Variants in IPO5 observed in about 807,000 individuals in gnomAD.
IPO5 encodes the protein importin-5.
A neutral mutation model predicts 143.3 loss-of-function variants in IPO5; 18 were observed. That is an observed-to-expected ratio of 0.13 (90% CI 0.09 to 0.19). The LOEUF (loss-of-function observed/expected upper bound fraction) is 0.19, where lower values mean the gene tolerates loss of function less well. Ranked by LOEUF, IPO5 falls within the 10% of genes least tolerant of loss-of-function variation. IPO5 has a pLI of 1.00. For missense variants in IPO5, 1,013 were observed against 1,336.9 expected (o/e 0.76, Z 3.78); for synonymous variants, 477 against 465.7 (o/e 1.02, Z -0.31).
chr13:97,976,176 G>A (rs1886281073), intron 3 of IPO5, among the ~76,000 whole-genome samples: 2 of 151,614 alleles, frequency 1.3e-5, no homozygotes, highest in Non-Finnish European at 2.9e-5. Flanking sequence ...TCAGCAGCTG[G>A]CCCCTCCTCC....
chr13:98,015,686 C>T (rs1482231896), intron 23 of IPO5, 40 bp from the exon 24 acceptor site: 1 of 1,584,154 alleles, frequency 6.3e-7, no homozygotes, highest in Non-Finnish European at 8.6e-7. Context: ...CCTTGACCAT[C>T]TTGGCAATCA....
chr13:98,002,761 A>G lies in IPO5; in HGVS notation c.1311A>G (p.Lys437=). 1.9e-6 allele frequency: 3 copies of G among 1,611,472 alleles called. No individual in the cohort carries two copies. Among genetic ancestry groups the G allele is most frequent in the South Asian group, 2.2e-5 (2 of 90,706 alleles). ...ATTTTGCACCTGGTTTCCAAAAGAA[A>G]TTTCATGAGAAGGTAAGTAACAAGT... ...ATDFAPGFQK[K]FHEKVIAALL... The change falls in exon 15 of 29, where the codon AAA becomes AAG. Residue 437 remains lysine (K), a synonymous_variant. Coordinates refer to ENST00000651721, the MANE Select transcript of IPO5 (RefSeq NM_002271.6).
intron 2 of IPO5, among the ~76,000 whole-genome samples, chr13:97,962,863 C>G (rs1481906411): frequency 6.6e-6 from 1 of 151,626 alleles, no homozygotes; most frequent in Non-Finnish European, 1.5e-5. Context: ...AAGGAATCTG[C>G]TACATAATTA....
At chr13:97,958,966 G>GT (rs1036912505) in intron 2 of IPO5, among the ~76,000 whole-genome samples, 1 of 151,962 alleles carries the variant, frequency 6.6e-6, no homozygotes, top group Admixed American at 6.6e-5. Flanking sequence ...GAGGTCAGGA[G>GT]TTCAAGACCA....
At chr13:97,968,847 C>A (rs554449937) in intron 2 of IPO5, among the ~76,000 whole-genome samples, 1 of 152,080 alleles carries the variant, frequency 6.6e-6, no homozygotes, top group Non-Finnish European at 1.5e-5. Context: ...TGCCACTACA[C>A]CCAGCTAACA....
At chr13:97,975,923 G>C (rs1174094009) in intron 3 of IPO5, 1 of 985,546 alleles carries the variant, frequency 1.0e-6, no homozygotes, top group Non-Finnish European at 1.2e-6. Flanking sequence ...AGCGCGACGG[G>C]AGGAAGGGGC....
chr13:97,978,549 G>T (rs1240202612), intron 4 of IPO5, among the ~76,000 whole-genome samples: 1 of 151,994 alleles, frequency 6.6e-6, no homozygotes, highest in African/African-American at 2.4e-5. Flanking sequence ...GCACCAGTTT[G>T]CCTTGGGGAT....
At chr13:97,990,893 G>C (rs1466452290) in intron 9 of IPO5, among the ~76,000 whole-genome samples, 2 of 151,888 alleles carry the variant, frequency 1.3e-5, no homozygotes, top group Non-Finnish European at 2.9e-5. Context: ...TTAATTACAG[G>C]GTGTGTAATA....
intron 2 of IPO5, chr13:97,960,430 A>G (rs977043660): frequency 3.3e-5 from 5 of 152,166 alleles, no homozygotes; most frequent in African/African-American, 7.2e-5. Context: ...TGATAGGGGG[A>G]AAAAATCACT....
In IPO5 at chr13:98,023,567, A is replaced by G. The variant is rs768351245; in HGVS notation, c.*1745A>G. 1 of 152,094 alleles carries G rather than the reference A, an allele frequency of 6.6e-6. No individual in the cohort carries two copies. Among genetic ancestry groups the G allele is most frequent in the African/African-American group, 2.4e-5 (1 of 41,452 alleles). The allele number at this position is 152,094 out of a possible 1,614,324, so 9.4% of individuals were successfully genotyped here. A position where few individuals can be genotyped will look rare whatever the true frequency, so the allele number is the denominator to read the frequency against. On this transcript the variant is annotated 3_prime_UTR_variant, in exon 29 of 29. Transcript: ENST00000651721. ...AATTTCAGATGACAGTGTGGTCAGA[A>G]GATGTTTTTTGGGAGAACCTAGTGT...
intron 2 of IPO5, among the ~76,000 whole-genome samples, chr13:97,964,450 T>C (rs1885140499): frequency 7.1e-6 from 1 of 140,096 alleles, no homozygotes; most frequent in African/African-American, 2.8e-5. Context: ...TTTCTTTTTT[T>C]TTTTTTTTTT....
Position 97,992,960 on chromosome 13 carries a change from T to C in IPO5, c.738T>C (p.Thr246=), listed in dbSNP as rs755387376. Residue 246 remains threonine, a synonymous_variant, in exon 10 of 29, where the codon ACT becomes ACC. Coordinates refer to ENST00000651721, the MANE Select transcript of IPO5 (RefSeq NM_002271.6). ...VLKSLVEIAD[T]VPKYLRPHLE... is the part of the protein sequence containing the mutation. ...AATCCCTCGTTGAGATTGCAGATAC[T>C]GTTCCAAAGTATTTGCGTCCTCACT... 3 of 1,613,958 alleles carry C rather than the reference T, an allele frequency of 1.9e-6. No individual in the cohort carries two copies. Among genetic ancestry groups the C allele is most frequent in the Non-Finnish European group, 2.5e-6 (3 of 1,179,826 alleles).
At chr13:97,982,176 C>A (rs769981318) in intron 4 of IPO5, 1 of 234,200 alleles carries the variant, frequency 4.3e-6, no homozygotes, top group Non-Finnish European at 8.2e-6. Flanking sequence ...CTAAAGTTTG[C>A]AGCACAATGG....
At chr13:98,013,429 C>A (rs1379403179) in intron 21 of IPO5, among the ~76,000 whole-genome samples, 1 of 152,068 alleles carries the variant, frequency 6.6e-6, no homozygotes, top group Admixed American at 6.6e-5. Flanking sequence ...CAGACACAAA[C>A]CCAGATCTGT....
rs1305096504 is a variant in IPO5 at position 98,020,011 on chromosome 13, T to C, written c.3065+202T>C. ...ATTGCCCTTATAATAAGGTCTAATT[T>C]TGAGTTATTCTTTATGAAATTAGAT... On this transcript the variant is annotated intron_variant, in intron 27 of 28. Coordinates refer to ENST00000651721, the MANE Select transcript of IPO5 (RefSeq NM_002271.6). 11 of 444,618 alleles carry C rather than the reference T, an allele frequency of 2.5e-5. No individual in the cohort carries two copies. The East Asian group carries it at 3.9e-4, about 16-fold the overall frequency. The allele number at this position is 444,618 out of a possible 1,614,324, so 27.5% of individuals were successfully genotyped here.
intron 5 of IPO5, 32 bp from the exon 6 acceptor site, chr13:97,985,389 A>C (rs753026012): frequency 2.6e-6 from 4 of 1,539,822 alleles, no homozygotes; most frequent in Non-Finnish European, 3.6e-6. Context: ...GGCAGAGTGA[A>C]TCTAGTTATT....
intron 28 of IPO5, 170 bp downstream of exon 28, chr13:98,021,303 A>G (rs2139888526): frequency 4.1e-6 from 2 of 489,954 alleles, no homozygotes; most frequent in South Asian, 1.1e-4. Context: ...ATCCATCCGT[A>G]TGTACTTATT....
intron 13 of IPO5, chr13:98,002,152 A>C: frequency 1.8e-5 from 3 of 169,058 alleles, no homozygotes; most frequent in East Asian, 1.7e-4. Flanking sequence ...GTAGCTGGGA[A>C]TACAGGCGCC....
intron 24 of IPO5, 107 bp downstream of exon 24, chr13:98,015,888 A>T: frequency 1.4e-6 from 1 of 692,830 alleles, no homozygotes; most frequent in Admixed American, 2.7e-5. Flanking sequence ...TGTAATTATC[A>T]GTCTTTAGCA....
Sources: allele counts gnomAD v4.1 joint callset (sites outside exome capture counted in the v4.1 genomes callset), GRCh38; gene constraint gnomAD v4.1.1; transcripts MANE v1.5; gene names NCBI Gene and HGNC (gene_info 2026-07-23, HGNC 2026-07-21).